Variants in THSD1 observed in about 807,000 individuals in gnomAD.
The protein encoded by THSD1 is thrombospondin type-1 domain-containing protein 1.
A neutral mutation model predicts 46.3 loss-of-function variants in THSD1; 34 were observed. That is an observed-to-expected ratio of 0.74 (90% CI 0.56 to 0.98). The LOEUF (loss-of-function observed/expected upper bound fraction) is 0.98. Ranked by LOEUF, THSD1 falls within the 50% of genes least tolerant of loss-of-function variation. The pLI, the probability that THSD1 is intolerant of heterozygous loss-of-function variation, is 0.00. For synonymous variants in THSD1, 407 were observed against 416.5 expected, an observed-to-expected ratio of 0.98 and a Z score of 0.28; for missense variants, 1,023 against 1,058.3, an observed-to-expected ratio of 0.97 and a Z score of 0.46.
At chr13:52,388,426 T>C (rs1015335644) in intron 3 of THSD1, among the ~76,000 whole-genome samples, 1 of 152,232 alleles carries the variant, frequency 6.6e-6, no homozygotes, top group African/African-American at 2.4e-5. Flanking sequence ...CATTTTTAAA[T>C]GCTCTAAAAT....
intron 3 of THSD1, among the ~76,000 whole-genome samples, chr13:52,395,106 A>C (rs1191027346): frequency 6.6e-6 from 1 of 152,182 alleles, no homozygotes; most frequent in African/African-American, 2.4e-5. Context: ...GGAAGGTTTT[A>C]TGGATTTGCA....
intron 1 of THSD1, among the ~76,000 whole-genome samples, chr13:52,404,226 G>A (rs890489254): frequency 6.6e-6 from 1 of 152,080 alleles, no homozygotes; most frequent in African/African-American, 2.4e-5. Context: ...GATTACAGGC[G>A]TGAGCCACCA....
intron 2 of THSD1, among the ~76,000 whole-genome samples, chr13:52,400,488 C>T (rs1436076999): frequency 1.3e-5 from 2 of 152,150 alleles, no homozygotes; most frequent in Non-Finnish European, 2.9e-5. Flanking sequence ...ATCTCAGCTA[C>T]TCAGGAGGCT....
At chr13:52,400,814 A>G (rs1957851012) in intron 2 of THSD1, among the ~76,000 whole-genome samples, 1 of 152,190 alleles carries the variant, frequency 6.6e-6, no homozygotes, top group Non-Finnish European at 1.5e-5. Flanking sequence ...TCATTTTCAT[A>G]TTCCAGTAAG....
chr13:52,388,966 CTT>C (rs551290422), intron 3 of THSD1, among the ~76,000 whole-genome samples: 4 of 144,444 alleles, frequency 2.8e-5, no homozygotes, highest in Non-Finnish European at 3.0e-5. Context: ...CTAAATAACA[CTT>C]TTTTTTTTTT....
intron 3 of THSD1, among the ~76,000 whole-genome samples, chr13:52,387,992 C>T (rs573148178): frequency 2.0e-5 from 3 of 152,096 alleles, no homozygotes; most frequent in Middle Eastern, 3.4e-3. Flanking sequence ...AAAAGCAATA[C>T]TGTACCCAAA....
intron 3 of THSD1, among the ~76,000 whole-genome samples, chr13:52,388,181 TAA>T (rs527728680): frequency 7.3e-6 from 1 of 137,384 alleles, no homozygotes; most frequent in Non-Finnish European, 1.6e-5. Context: ...ACCACCCCAG[TAA>T]AAAAAAAAAT....
rs1316787399 is a variant in THSD1 at position 52,377,309 on chromosome 13, C to T, written c.*102G>A. The T allele has an allele frequency of 1.4e-6, 2 of 1,406,992 alleles. No homozygotes were observed. The highest frequency in any genetic ancestry group is 1.4e-5 in the African/African-American group (1 of 69,378). 87.2% of individuals were successfully genotyped at this position (1,406,992 alleles called of 1,614,324 possible). ...CACACACATCCTCCTCTGTGTGTTACTTCCTCCTCACATTCTGTCCTACGG... is the reference window on the plus strand; with the variant it reads ...CACACACATCCTCCTCTGTGTGTTATTTCCTCCTCACATTCTGTCCTACGG... On this transcript the variant is annotated 3_prime_UTR_variant, in exon 5 of 5. Coordinates refer to ENST00000258613, the MANE Select transcript of THSD1 (RefSeq NM_018676.4).
chr13:52,404,006 G>GGCATGATCTT (rs1176339727), intron 1 of THSD1, among the ~76,000 whole-genome samples: 3 of 142,152 alleles, frequency 2.1e-5, no homozygotes, highest in Admixed American at 1.5e-4. Flanking sequence ...GGAGTGCAGT[G>GGCATGATCTT]GCATGATCTT....
chr13:52,378,178 T>C lies in THSD1; in HGVS notation c.1792A>G (p.Ser598Gly), dbSNP rs1326604703. 5.0e-6 allele frequency: 8 copies of C among 1,614,228 alleles called. No homozygotes were observed. The highest frequency in any genetic ancestry group is 1.3e-5 in the African/African-American group (1 of 75,054). ...CTGGAGGGAGGCCTTTCCCCGGCAC[T>C]GACCGCGGGCTGCTCCGGAAATGGG... ...KSPFPEQPAV[S>G]AGERPPSRLD... The change falls in exon 5 of 5, where the codon AGT becomes GGT. Residue 598 changes from serine to glycine, a missense_variant. By Grantham distance (56) the Ser-to-Gly change is moderately conservative (BLOSUM62 0). Transcript: ENST00000258613.
At chr13:52,385,944 G>A in intron 4 of THSD1, 84 bp downstream of exon 4, 3 of 1,294,956 alleles carry the variant, frequency 2.3e-6, no homozygotes, top group Non-Finnish European at 3.2e-6. Context: ...TCTTAGACTG[G>A]TAACTCTCAG....
chr13:52,378,246 T>C lies in THSD1; in HGVS notation c.1724A>G (p.Glu575Gly). Residue 575 changes from glutamate (E) to glycine (G), a missense_variant, in exon 5 of 5, where the codon GAA becomes GGA. Transcript: ENST00000258613. ...GTTTGCTGCAGCTTCTTCCGGGCTT[T>C]CCAAATCTAAGGGAGCGCTGGGGGC... is the stretch of plus-strand genomic sequence containing the variant. ...DAAPSAPLDLESPEEAAANKF... is the reference protein window; with the variant it reads ...DAAPSAPLDLGSPEEAAANKF... The C allele has an allele frequency of 6.2e-7, 1 of 1,614,192 alleles. No individual in the cohort carries two copies. The highest frequency in any genetic ancestry group is 8.5e-7 in the Non-Finnish European group (1 of 1,180,042).
intron 3 of THSD1, 70 bp from the exon 4 acceptor site, chr13:52,386,256 A>C: frequency 2.0e-6 from 3 of 1,490,290 alleles, no homozygotes. Flanking sequence ...CACCCAAATG[A>C]AACAGCAAAA....
chr13:52,404,594 A>G (rs1352495464), intron 1 of THSD1, among the ~76,000 whole-genome samples: 1 of 152,202 alleles, frequency 6.6e-6, no homozygotes, highest in East Asian at 1.9e-4. Context: ...TTCCTCGAAC[A>G]TGGACTGGGA....
chr13:52,385,520 C>G (rs1285403278), intron 4 of THSD1, among the ~76,000 whole-genome samples: 3 of 152,124 alleles, frequency 2.0e-5, no homozygotes, highest in Non-Finnish European at 4.4e-5. Flanking sequence ...AGAAATGTCC[C>G]TCTGGGTAGG....
rs1957641115 is a variant in THSD1 at position 52,377,432 on chromosome 13, G to A, written c.2538C>T (p.Ser846=). The change falls in exon 5 of 5, where the codon AGC becomes AGT. Residue 846 remains serine (S), a synonymous_variant. Transcript: ENST00000258613. ...NEEDETTSTL[S]VEKLVI Reference sequence around the variant, plus strand: ...CAGTCTAGATCACCAGCTTCTCCACGCTAAGTGTACTTGTGGTTTCATCCT... The same window carrying A: ...CAGTCTAGATCACCAGCTTCTCCACACTAAGTGTACTTGTGGTTTCATCCT... 1.3e-6 allele frequency: 2 copies of A among 1,542,976 alleles called. No homozygotes were observed. The highest frequency in any genetic ancestry group is 1.8e-6 in the Non-Finnish European group (2 of 1,139,612).
rs145175682 is a variant in THSD1, at chr13:52,390,161, T to C, written c.1022-3975A>G. On this transcript the variant is annotated intron_variant, in intron 3 of 4. Transcript: ENST00000258613. ...GTCTCAAAAAAAAAAAAAAGAATTA[T>C]TTTAATAATTCTGTCTATCAGTACC... Among the ~76,000 whole-genome samples, 70 of 151,436 alleles carry C rather than the reference T, an allele frequency of 4.6e-4. No individual in the cohort carries two copies. In the East Asian group the frequency reaches 0.011, roughly 24 times the overall value.
intron 4 of THSD1, among the ~76,000 whole-genome samples, chr13:52,384,936 G>GAA (rs56808344): frequency 7.1e-5 from 10 of 141,094 alleles, no homozygotes; most frequent in African/African-American, 1.8e-4. Flanking sequence ...GCTACAATAA[G>GAA]AAAAAAAAAA....
At chr13:52,393,850 A>G (rs1957791026) in intron 3 of THSD1, among the ~76,000 whole-genome samples, 1 of 152,204 alleles carries the variant, frequency 6.6e-6, no homozygotes, top group South Asian at 2.1e-4. Context: ...CATAAATTTT[A>G]TACTAAAAAC....
Sources: allele counts gnomAD v4.1 joint callset (sites outside exome capture counted in the v4.1 genomes callset), GRCh38; gene constraint gnomAD v4.1.1; transcripts MANE v1.5; gene names NCBI Gene and HGNC (gene_info 2026-07-23, HGNC 2026-07-21).